TPST2: variants seen among roughly 807,000 people sequenced by gnomAD.
TPST2 encodes the protein tyrosylprotein sulfotransferase 2.
TPST2 carries 16 observed loss-of-function variants against 27.8 expected under a neutral mutation model. That is an observed-to-expected ratio of 0.58 (90% CI 0.39 to 0.88). The LOEUF (loss-of-function observed/expected upper bound fraction) is 0.88. TPST2 is among the 40% of genes least tolerant of loss of function. The pLI, the probability that TPST2 is intolerant of heterozygous loss-of-function variation, is 0.00. For missense variants in TPST2, 464 were observed against 543.1 expected (o/e 0.85, Z 1.45); for synonymous variants, 229 against 231.7 (o/e 0.99, Z 0.10).
intron 1 of TPST2, among the ~76,000 whole-genome samples, chr22:26,587,836 T>C (rs2145945930): frequency 6.6e-6 from 1 of 152,116 alleles, no homozygotes; most frequent in African/African-American, 2.4e-5. Flanking sequence ...CTCACACCTA[T>C]AATCCCAGCA....
chr22:26,547,262 C>T (rs780998713), intron 1 of TPST2, among the ~76,000 whole-genome samples: 80 of 152,178 alleles, frequency 5.3e-4, no homozygotes, highest in Non-Finnish European at 9.0e-4. Context: ...CCATGCCTGG[C>T]TAATATTTGT....
chr22:26,577,867 C>T (rs960468997), intron 1 of TPST2, among the ~76,000 whole-genome samples: 1 of 151,706 alleles, frequency 6.6e-6, no homozygotes, highest in Non-Finnish European at 1.5e-5. Flanking sequence ...CCATGTTGGC[C>T]AGGCTGGTCT....
At position 26,523,101 on chromosome 22, in the gene TPST2, G is replaced by A. The variant is rs921272865; in HGVS notation, c.*3174C>T. 6.6e-6 allele frequency: 1 copy of A among 151,516 alleles called. No individual in the cohort carries two copies. The highest frequency in any genetic ancestry group is 1.5e-5 in the Non-Finnish European group (1 of 67,984). 9.4% of individuals were successfully genotyped at this position (151,516 alleles called of 1,614,324 possible). The stretch of plus-strand genomic sequence containing the variant: ...GTTTGCAGGAGTTAGAGGTTGCAGT[G>A]AGCTGTGTTTGCAGGAGTTAGAGGT... On this transcript the variant is annotated 3_prime_UTR_variant, in exon 7 of 7. Coordinates refer to ENST00000338754, the MANE Select transcript of TPST2 (RefSeq NM_003595.5).
At chr22:26,570,057 A>AGACAGACAGAC (rs1569193980) in intron 1 of TPST2, among the ~76,000 whole-genome samples, 3 of 148,790 alleles carry the variant, frequency 2.0e-5, no homozygotes, top group Admixed American at 6.7e-5. Flanking sequence ...GAAAGAAAGA[A>AGACAGACAGAC]AGAAAGAAGG....
chr22:26,535,989 A>C, intron 4 of TPST2: 1 of 474,862 alleles, frequency 2.1e-6, no homozygotes, highest in Non-Finnish European at 4.1e-6. Context: ...TAGCCAGGGA[A>C]ATAGGGGTAA....
Position 26,541,166 on chromosome 22 carries a change from G to C in TPST2, c.465C>G (p.Leu155=). The change falls in exon 3 of 7, where the codon CTC becomes CTG. Residue 155 remains leucine, a synonymous_variant. Transcript: ENST00000338754. The surrounding 1 kb of genome is among the most constrained non-coding windows in gnomAD (Gnocchi z 5.9). ...TGAGCGTAAATGGGTCCTTGTTGCAGAGCACGCGGGCCGGCTCTCCGTGCT... is the reference window on the plus strand; with the variant it reads ...TGAGCGTAAATGGGTCCTTGTTGCACAGCACGCGGGCCGGCTCTCCGTGCT... The part of the protein sequence containing the change: ...IAKHGEPARV[L]CNKDPFTLKS... 1 of 1,603,196 alleles carries C rather than the reference G, an allele frequency of 6.2e-7. No homozygotes were observed. The highest frequency in any genetic ancestry group is 8.5e-7 in the Non-Finnish European group (1 of 1,173,216).
intron 6 of TPST2, among the ~76,000 whole-genome samples, chr22:26,526,772 T>C (rs910814591): frequency 1.3e-5 from 2 of 152,176 alleles, no homozygotes; most frequent in Non-Finnish European, 1.5e-5. Flanking sequence ...GGTTCTTTTC[T>C]TTGGAATAGA....
At chr22:26,582,492 G>A (rs1602307525) in intron 1 of TPST2, among the ~76,000 whole-genome samples, 1 of 152,140 alleles carries the variant, frequency 6.6e-6, no homozygotes, top group South Asian at 2.1e-4. Context: ...TCCCCAAGGG[G>A]ATCATATGCA....
chr22:26,560,799 C>G, intron 1 of TPST2: 2 of 1,363,910 alleles, frequency 1.5e-6, no homozygotes, highest in Non-Finnish European at 2.1e-6. Flanking sequence ...GTTCAAGGAT[C>G]CGAATGCACC....
At position 26,541,815 on chromosome 22, in the gene TPST2, G is replaced by T; in HGVS notation, c.-88-97C>A. On this transcript the variant is annotated intron_variant, in intron 2 of 6. Transcript: ENST00000338754. This position sits in a 1 kb window ranked among gnomAD's most constrained non-coding sequence, Gnocchi z 5.9. ...CTATAACTGCAAACAAGAGGCTGCT[G>T]ACATGAATGCAGAGGGCACCTTTCA... The T allele has an allele frequency of 8.4e-7, 1 of 1,191,684 alleles. No individual in the cohort carries two copies. Among genetic ancestry groups the T allele is most frequent in the Non-Finnish European group, 1.1e-6 (1 of 887,640 alleles). 73.8% of individuals were successfully genotyped at this position (1,191,684 alleles called of 1,614,324 possible).
At chr22:26,526,567 C>T (rs1330246096) in intron 6 of TPST2, among the ~76,000 whole-genome samples, 1 of 152,188 alleles carries the variant, frequency 6.6e-6, no homozygotes, top group African/African-American at 2.4e-5. Context: ...GAGAAGGACT[C>T]ATGTTTGTTC....
intron 1 of TPST2, among the ~76,000 whole-genome samples, chr22:26,570,415 G>C (rs891285425): frequency 6.6e-6 from 1 of 152,158 alleles, no homozygotes; most frequent in African/African-American, 2.4e-5. Context: ...CTTTTGATCA[G>C]ATGCCAAGGA....
At chr22:26,588,045 T>A (rs996986493) in intron 1 of TPST2, among the ~76,000 whole-genome samples, 1 of 152,206 alleles carries the variant, frequency 6.6e-6, no homozygotes, top group African/African-American at 2.4e-5. Context: ...TGAAAATGTA[T>A]GTCCAAAGAC....
In TPST2 at chr22:26,552,252, C is replaced by T. The variant is rs115195524; in HGVS notation, c.-160-7577G>A. 5.2e-3 allele frequency among the ~76,000 whole-genome samples: 796 copies of T among 152,208 alleles called. 9 individuals carry two copies. Among genetic ancestry groups the T allele is most frequent in the African/African-American group, 0.018 (745 of 41,538 alleles). On this transcript the variant is annotated intron_variant, in intron 1 of 6. Coordinates refer to ENST00000338754, the MANE Select transcript of TPST2 (RefSeq NM_003595.5). ...AGGGACATACACACAAACTAAGGAA[C>T]GCGTGGTCCGGTCAGGTGGGATCAG...
At chr22:26,546,355 A>C (rs1001365527) in intron 1 of TPST2, among the ~76,000 whole-genome samples, 1 of 152,340 alleles carries the variant, frequency 6.6e-6, no homozygotes, top group South Asian at 2.1e-4. Flanking sequence ...CACTCCTGGG[A>C]CATGGGCGGT....
In TPST2 at chr22:26,528,632, T is replaced by A. The variant is rs554358127; in HGVS notation, c.1093-370A>T. On this transcript the variant is annotated intron_variant, in intron 5 of 6. Coordinates refer to ENST00000338754, the MANE Select transcript of TPST2 (RefSeq NM_003595.5). ...CTGTGGTATAATAATAAATATTTGT[T>A]CATTGTCCCCAGTTCCTGGCACATA... Among the ~76,000 whole-genome samples, 3 of 152,292 alleles carry A rather than the reference T, an allele frequency of 2.0e-5. No individual in the cohort carries two copies. The East Asian group carries it at 5.8e-4, about 29-fold the overall frequency.
At chr22:26,568,864 C>CT (rs985608738) in intron 1 of TPST2, among the ~76,000 whole-genome samples, 3,517 of 119,590 alleles carry the variant, frequency 0.029, 139 homozygotes, top group African/African-American at 0.086. Context: ...ACCCTGAATT[C>CT]TTTTTTTTTT....
rs1201605696 is a variant in TPST2 at position 26,524,296 on chromosome 22, T to A, written c.*1979A>T. 6.6e-6 allele frequency: 1 copy of A among 151,116 alleles called. No homozygotes were observed. The highest frequency in any genetic ancestry group is 1.5e-5 in the Non-Finnish European group (1 of 67,874). The allele number at this position is 151,116 out of a possible 1,614,324, so 9.4% of individuals were successfully genotyped here. A position where few individuals can be genotyped will look rare whatever the true frequency, so the allele number is the denominator to read the frequency against. ...AATGTCATCCATTAGCCATCCCCAA[T>A]AAACCCATGAAGTTCAGCCTGAACA... On this transcript the variant is annotated 3_prime_UTR_variant, in exon 7 of 7. Transcript: ENST00000338754.
At chr22:26,549,670 A>G (rs554141092) in intron 1 of TPST2, among the ~76,000 whole-genome samples, 10 of 148,900 alleles carry the variant, frequency 6.7e-5, no homozygotes, top group Admixed American at 3.4e-4. Context: ...AAAAAAAAAA[A>G]AAAAAGAAAA....
Sources: allele counts gnomAD v4.1 joint callset (sites outside exome capture counted in the v4.1 genomes callset), GRCh38; gene constraint gnomAD v4.1.1; non-coding constraint Gnocchi (gnomAD v3.1); transcripts MANE v1.5; gene names NCBI Gene and HGNC (gene_info 2026-07-23, HGNC 2026-07-21).